Variants in AK4 observed in about 807,000 individuals in gnomAD.
AK4 encodes adenylate kinase 4, mitochondrial.
AK4 carries 13 observed loss-of-function variants against 24.6 expected under a neutral mutation model. The observed-to-expected ratio is 0.53, with a 90% CI of 0.34 to 0.84. AK4 has a LOEUF of 0.84. Among genes scored for constraint, AK4 ranks in the 40% least tolerant of loss-of-function variants. The probability of loss-of-function intolerance (pLI) is 0.01; values close to 1 mark genes in which losing one functional copy is unlikely to be tolerated. For missense variants in AK4, 192 were observed against 288.2 expected (o/e 0.67, Z 2.42); for synonymous variants, 88 against 107.0 (o/e 0.82, Z 1.10).
chr1:65,179,344 G>A (rs1425735701), intron 1 of AK4, among the ~76,000 whole-genome samples: 1 of 152,172 alleles, frequency 6.6e-6, no homozygotes, highest in Non-Finnish European at 1.5e-5. Context: ...AACATTGAGA[G>A]GCAGTGTGTA....
intron 2 of AK4, among the ~76,000 whole-genome samples, chr1:65,202,223 C>CT (rs1466465683): frequency 6.6e-6 from 1 of 151,368 alleles, no homozygotes; most frequent in Admixed American, 6.6e-5. Flanking sequence ...CGGTGAGACC[C>CT]CACCTCTACT....
At position 65,231,199 on chromosome 1, in the gene AK4, TCTGCTTCCTG is replaced by T. The variant is rs1156793662; in HGVS notation, c.*5024_*5033del. 1 of 152,140 alleles carries T rather than the reference TCTGCTTCCTG, an allele frequency of 6.6e-6. No individual in the cohort carries two copies. 9.4% of individuals were successfully genotyped at this position (152,140 alleles called of 1,614,324 possible). ...AGCCATATTTCAACTGTGAAAAAAA[TCTGCTTCCTG>T]CATCTGTTGAAATATAGTTGTTCAT... is the stretch of plus-strand genomic sequence containing the variant. On this transcript the variant is annotated 3_prime_UTR_variant, in exon 5 of 5. Coordinates refer to ENST00000327299, the MANE Select transcript of AK4 (RefSeq NM_013410.4).
intron 2 of AK4, among the ~76,000 whole-genome samples, chr1:65,211,754 C>CT (rs1276290813): frequency 6.6e-6 from 1 of 152,142 alleles, no homozygotes; most frequent in Non-Finnish European, 1.5e-5. Context: ...TAAACAAGAA[C>CT]TTAAAATGTT....
In AK4 at chr1:65,224,825, T is replaced by C; in HGVS notation, c.512T>C (p.Leu171Pro). The change falls in exon 4 of 5, where the codon CTA becomes CCA. Residue 171 changes from leucine to proline, a missense_variant. Physicochemically the swap from Leu to Pro is moderately conservative, Grantham distance 98. Transcript: ENST00000327299. ...AAACCCGAAGCAGTTGCTGCCAGGCTAAGACAGTACAAAGACGTGGCAAAG... is the reference window on the plus strand; with the variant it reads ...AAACCCGAAGCAGTTGCTGCCAGGCCAAGACAGTACAAAGACGTGGCAAAG... ...DDKPEAVAAR[L>P]RQYKDVAKPV... 1 of 1,614,080 alleles carries C rather than the reference T, an allele frequency of 6.2e-7. No homozygotes were observed. Among genetic ancestry groups the C allele is most frequent in the Non-Finnish European group, 8.5e-7 (1 of 1,179,974 alleles).
rs554193794 is a variant in AK4 at position 65,183,170 on chromosome 1, CT to C, written c.146-7531del. The stretch of plus-strand genomic sequence containing the variant: ...TATATTGTCAGAGGGAACAGTGTAC[CT>C]TTTTTTTTCTTCCCATTTCAGGACC... On this transcript the variant is annotated intron_variant, in intron 1 of 4. Transcript: ENST00000327299. Among the ~76,000 whole-genome samples the C allele has an allele frequency of 5.8e-3, 878 of 151,654 alleles. 11 individuals are homozygous for C. The highest frequency in any genetic ancestry group is 0.027 in the Middle Eastern group (8 of 292).
intron 2 of AK4, among the ~76,000 whole-genome samples, chr1:65,201,631 C>T (rs1379713683): frequency 1.3e-5 from 2 of 152,082 alleles, no homozygotes; most frequent in East Asian, 1.9e-4. Context: ...CCAGGAGTGC[C>T]GCACAAATGG....
chr1:65,158,814 G>C (rs944404082), intron 1 of AK4, among the ~76,000 whole-genome samples: 3 of 151,944 alleles, frequency 2.0e-5, no homozygotes, highest in Admixed American at 6.6e-5. Flanking sequence ...GCCCAAACTA[G>C]ATTTTTTTTA....
intron 1 of AK4, chr1:65,154,523 G>T: frequency 3.8e-6 from 2 of 526,958 alleles, no homozygotes; most frequent in South Asian, 1.4e-5. Flanking sequence ...TGAAAATTCA[G>T]CCAGGGTTCT....
Position 65,206,531 on chromosome 1 carries a change from T to A in AK4, c.266-12223T>A, listed in dbSNP as rs1194796681. On this transcript the variant is annotated intron_variant, in intron 2 of 4. Coordinates refer to ENST00000327299, the MANE Select transcript of AK4 (RefSeq NM_013410.4). Reference sequence around the variant, plus strand: ...TGAGAGGCCAAAGAGGAGAATCACTTGAGTCCAGCCTGGTTAACAAAGCCA... The same window carrying A: ...TGAGAGGCCAAAGAGGAGAATCACTAGAGTCCAGCCTGGTTAACAAAGCCA... Among the ~76,000 whole-genome samples, 48 of 152,212 alleles carry A rather than the reference T, an allele frequency of 3.2e-4. 1 individual carries two copies. Among genetic ancestry groups the A allele is most frequent in the Admixed American group, 3.1e-3 (47 of 15,286 alleles).
chr1:65,181,701 T>G (rs1054741541), intron 1 of AK4, among the ~76,000 whole-genome samples: 2 of 152,132 alleles, frequency 1.3e-5, no homozygotes, highest in African/African-American at 2.4e-5. Context: ...ATTAAGCTTT[T>G]ATTATTTTTA....
At chr1:65,197,943 T>G (rs964071743) in intron 2 of AK4, among the ~76,000 whole-genome samples, 5 of 152,228 alleles carry the variant, frequency 3.3e-5, no homozygotes, top group African/African-American at 1.2e-4. Context: ...TTTTCTTCTG[T>G]TGCCCTTGTG....
At chr1:65,224,527 A>G (rs1652394558) in intron 3 of AK4, among the ~76,000 whole-genome samples, 1 of 152,168 alleles carries the variant, frequency 6.6e-6, no homozygotes, top group African/African-American at 2.4e-5. Context: ...AAAAGATCTG[A>G]ACTGTTAATA....
intron 2 of AK4, among the ~76,000 whole-genome samples, chr1:65,202,509 A>G (rs758226804): frequency 1.3e-5 from 2 of 152,204 alleles, no homozygotes; most frequent in South Asian, 4.1e-4. Context: ...CTTGACTTAC[A>G]TGTTCAGATG....
Position 65,151,443 on chromosome 1 carries a change from T to C in AK4, c.145+2891T>C, listed in dbSNP as rs117119057. 2.6e-4 allele frequency among the ~76,000 whole-genome samples: 39 copies of C among 152,248 alleles called. 2 individuals carry two copies. In the East Asian group the frequency reaches 7.5e-3, roughly 29 times the overall value. On this transcript the variant is annotated intron_variant, in intron 1 of 4. Transcript: ENST00000327299. The stretch of plus-strand genomic sequence containing the variant: ...CTTGTGCCTCTTTTATTATTATTTA[T>C]AGATAGGGGTTTTGCTTTAGTGCCC...
intron 1 of AK4, among the ~76,000 whole-genome samples, chr1:65,182,946 G>A (rs1650959005): frequency 2.0e-5 from 3 of 152,164 alleles, no homozygotes; most frequent in Admixed American, 1.3e-4. Flanking sequence ...GCCTGACACA[G>A]AGTAAAATTC....
At chr1:65,209,644 CTTTGA>C (rs1165849436) in intron 2 of AK4, among the ~76,000 whole-genome samples, 1 of 152,132 alleles carries the variant, frequency 6.6e-6, no homozygotes, top group Non-Finnish European at 1.5e-5. Context: ...ACCTGAATTG[CTTTGA>C]TTTGTTTAGC....
intron 2 of AK4, among the ~76,000 whole-genome samples, chr1:65,195,643 C>G (rs1021537491): frequency 6.6e-6 from 1 of 152,118 alleles, no homozygotes; most frequent in Admixed American, 6.5e-5. Context: ...GCCTGTGTGA[C>G]CCTGGGCCTC....
chr1:65,162,833 G>A (rs1650211936), intron 1 of AK4, among the ~76,000 whole-genome samples: 1 of 152,126 alleles, frequency 6.6e-6, no homozygotes, highest in African/African-American at 2.4e-5. Context: ...CCAGCCCTAG[G>A]CAGTTACTAC....
chr1:65,185,418 TAGCACCATCTCTTAGTGGTG>T (rs1651064601), intron 1 of AK4, among the ~76,000 whole-genome samples: 2 of 152,160 alleles, frequency 1.3e-5, no homozygotes, highest in African/African-American at 4.8e-5. Context: ...CCTGCCCATC[TAGCACCATCTCTTAGTGGTG>T]GGCTTTTCTT....
Sources: gnomAD v4.1 joint callset for allele counts (sites outside exome capture counted in the v4.1 genomes callset) on GRCh38, gnomAD v4.1.1 for gene constraint, MANE v1.5 for transcripts, NCBI Gene and HGNC (gene_info 2026-07-23, HGNC 2026-07-21) for gene names.